Variants in ARAP3 observed in about 807,000 individuals in gnomAD.
ARAP3 encodes arf-GAP with Rho-GAP domain, ANK repeat and PH domain-containing protein 3.
A neutral mutation model predicts 169.2 loss-of-function variants in ARAP3; 82 were observed. The observed-to-expected ratio is 0.48, with a 90% CI of 0.41 to 0.58. The LOEUF (loss-of-function observed/expected upper bound fraction) is 0.58, where lower values mean the gene tolerates loss of function less well. ARAP3 is among the 20% of genes least tolerant of loss of function. The probability of loss-of-function intolerance (pLI) is 0.00; values close to 1 mark genes in which losing one functional copy is unlikely to be tolerated. For missense variants in ARAP3, 1,764 were observed against 2,018.0 expected, an observed-to-expected ratio of 0.87 and a Z score of 2.41; for synonymous variants, 791 against 800.3, an observed-to-expected ratio of 0.99 and a Z score of 0.20.
Position 141,670,012 on chromosome 5 carries a change from G to A in ARAP3, c.2159C>T (p.Ser720Leu), listed in dbSNP as rs751792367. The A allele has an allele frequency of 1.4e-5, 22 of 1,597,550 alleles. No homozygotes were observed. The highest frequency in any genetic ancestry group is 2.3e-5 in the South Asian group (2 of 88,602). Reference sequence around the variant, plus strand: ...GCTGAGGGGTTCAGGGCTGTTTTCCGATGCAAACATTTCCAGAGCTGCTCC... The same window carrying A: ...GCTGAGGGGTTCAGGGCTGTTTTCCAATGCAAACATTTCCAGAGCTGCTCC... ...VLGAALEMFA[S>L]ENSPEPLSLI... is the part of the protein sequence containing the mutation. The change falls in exon 15 of 33, where the codon TCG becomes TTG. Residue 720 changes from serine (S) to leucine (L), a missense_variant. Coordinates refer to ENST00000239440, the MANE Select transcript of ARAP3 (RefSeq NM_022481.6).
rs141538563 is a variant in ARAP3, at chr5:141,661,684, C to T, written c.3119G>A (p.Arg1040Gln). Reference sequence around the variant, plus strand: ...CTGCAGAGGGTCTAGCCATACTGACCGATAGAGATGCCCAATGAGGGTGGC... The same window carrying T: ...CTGCAGAGGGTCTAGCCATACTGACTGATAGAGATGCCCAATGAGGGTGGC... ...TLATLIGHLY[R>Q]VQKCAALNQM... Residue 1040 changes from arginine to glutamine, a missense_variant and splice_region_variant, in exon 21 of 33, where the codon CGG becomes CAG. Physicochemically the swap from Arg to Gln is conservative, Grantham distance 43. Coordinates refer to ENST00000239440, the MANE Select transcript of ARAP3 (RefSeq NM_022481.6). 7 of 1,614,094 alleles carry T rather than the reference C, an allele frequency of 4.3e-6. No homozygotes were observed. The highest frequency in any genetic ancestry group is 4.0e-5 in the African/African-American group (3 of 75,056).
Position 141,654,434 on chromosome 5 carries a change from G to T in ARAP3, c.4151C>A (p.Pro1384Gln), listed in dbSNP as rs756683043. ...HNRRTLSMFF[P>Q]MKSSQGSVEE... The stretch of plus-strand genomic sequence containing the variant: ...CACAGACCCCTGGGATGACTTCATT[G>T]GCTGGATGGGAATGGAATGGCAGGA... The change falls in exon 33 of 33, where the codon CCA becomes CAA. Residue 1384 changes from proline (P) to glutamine (Q), a missense_variant and splice_region_variant. By Grantham distance (76) the Pro-to-Gln change is moderately conservative. Around this residue, in one of 3 missense-constraint regions of ARAP3, gnomAD observed 1,112 missense variants for 1,285.7 expected, o/e 0.86. Transcript: ENST00000239440. 6.4e-6 allele frequency: 10 copies of T among 1,568,158 alleles called. No individual in the cohort carries two copies. In the Admixed American group the frequency reaches 9.1e-5, roughly 14 times the overall value.
rs774950906 is a variant in ARAP3, at chr5:141,662,167, C to T, written c.2889G>A (p.Ser963=). ...LLAEFRRDAR[S]VKLRPGEHFV... ...AGTGCTCCCCTGGTCGGAGCTTCAC[C>T]GACCGGGCATCCCGACGGAACTCAG... The change falls in exon 20 of 33, where the codon TCG becomes TCA. Residue 963 remains serine (S), a synonymous_variant. Transcript: ENST00000239440. The T allele has an allele frequency of 1.2e-5, 20 of 1,614,198 alleles. No individual in the cohort carries two copies. The highest frequency in any genetic ancestry group is 4.4e-5 in the South Asian group (4 of 91,080).
In ARAP3 at chr5:141,658,660, G is replaced by A; in HGVS notation, c.3337-7C>T. On this transcript the variant is annotated splice_region_variant and splice_polypyrimidine_tract_variant and intron_variant, in intron 23 of 32. Coordinates refer to ENST00000239440, the MANE Select transcript of ARAP3 (RefSeq NM_022481.6). Reference sequence around the variant, plus strand: ...GGTCTCCAGCCTGAGACAGCTGAGGGGAGGGGTAAAAAAGTCAGAAGGGCA... The same window carrying A: ...GGTCTCCAGCCTGAGACAGCTGAGGAGAGGGGTAAAAAAGTCAGAAGGGCA... 6.3e-7 allele frequency: 1 copy of A among 1,577,378 alleles called. No individual in the cohort carries two copies. The highest frequency in any genetic ancestry group is 8.6e-7 in the Non-Finnish European group (1 of 1,167,838).
At position 141,661,934 on chromosome 5, in the gene ARAP3, A is replaced by AT. The variant is rs767776377; in HGVS notation, c.3013+108dup. On this transcript the variant is annotated intron_variant, in intron 20 of 32. Transcript: ENST00000239440. ...TCCCCCTGAGCCAAGTCTCTGGATG[A>AT]TCCCCCAGGGTGGGAAGTGATGGGG... 1.6e-4 allele frequency: 244 copies of AT among 1,517,158 alleles called. 1 individual carries two copies. Among genetic ancestry groups the AT allele is most frequent in the Non-Finnish European group, 2.1e-4 (232 of 1,100,430 alleles). 94.0% of individuals were successfully genotyped at this position (1,517,158 alleles called of 1,614,324 possible).
In ARAP3 at chr5:141,658,380, C is replaced by A; in HGVS notation, c.3511G>T (p.Glu1171Ter). ...MDLWVTFEIR[E>*]HGELERPLHP... ...TCATACTCACCCAGCTCCCCATGCT[C>A]GCGAATCTCAAAAGTCACCCACAAG... is the stretch of plus-strand genomic sequence containing the variant. The change falls in exon 25 of 33, where the codon GAG (glutamate) becomes TAG (stop). Residue 1171 changes from glutamate (E) to a stop codon, truncating the protein, a stop_gained. Transcript: ENST00000239440. LOFTEE classifies it high-confidence loss of function. The A allele has an allele frequency of 1.2e-6, 2 of 1,613,346 alleles. No individual in the cohort carries two copies. The highest frequency in any genetic ancestry group is 1.7e-6 in the Non-Finnish European group (2 of 1,180,012).
intron 19 of ARAP3, 50 bp downstream of exon 19, chr5:141,664,872 A>ACCC: frequency 3.5e-5 from 7 of 202,000 alleles, no homozygotes; most frequent in South Asian, 1.2e-4. Context: ...CCCCCTCATC[A>ACCC]CCCCCACCCC....
Position 141,672,052 on chromosome 5 carries a change from T to G in ARAP3, c.1585+50A>C. The stretch of plus-strand genomic sequence containing the variant: ...CATGTGGCACGGGTACCCTGAGCCC[T>G]CTAGTCCCAGCCCTCCTGTTCCCCA... On this transcript the variant is annotated intron_variant, in intron 10 of 32. Coordinates refer to ENST00000239440, the MANE Select transcript of ARAP3 (RefSeq NM_022481.6). The surrounding 1 kb of genome is among the most constrained non-coding windows in gnomAD (Gnocchi z 4.9). 1 of 1,613,952 alleles carries G rather than the reference T, an allele frequency of 6.2e-7. No individual in the cohort carries two copies. The highest frequency in any genetic ancestry group is 8.5e-7 in the Non-Finnish European group (1 of 1,179,892).
chr5:141,654,180 G>C lies in ARAP3; in HGVS notation c.4405C>G (p.Pro1469Ala). Reference protein sequence around the residue: ...EERPPEPPPGPPSKSSPQARG... With the variant: ...EERPPEPPPGAPSKSSPQARG... The stretch of plus-strand genomic sequence containing the variant: ...GCCTGGGGACTGCTCTTTGAAGGGG[G>C]GCCTGGAGGGGGCTCAGGTGGCCTC... Residue 1469 changes from proline (P) to alanine (A), a missense_variant, in exon 33 of 33, where the codon CCC becomes GCC. This residue lies in a region of ARAP3 where 1,112 missense variants were observed against 1,285.7 expected (regional missense o/e 0.86). Transcript: ENST00000239440. The C allele has an allele frequency of 6.2e-7, 1 of 1,613,934 alleles. No individual in the cohort carries two copies. The highest frequency in any genetic ancestry group is 8.5e-7 in the Non-Finnish European group (1 of 1,179,898).
At chr5:141,661,006 T>C (rs2099909887) in intron 21 of ARAP3, among the ~76,000 whole-genome samples, 1 of 152,168 alleles carries the variant, frequency 6.6e-6, no homozygotes, top group African/African-American at 2.4e-5. Context: ...GCATGTACTA[T>C]AGTTAAGAAT....
rs1462203719 is a variant in ARAP3 at position 141,673,685 on chromosome 5, T to A, written c.822A>T (p.Ser274=). Residue 274 remains serine (S), a synonymous_variant, in exon 5 of 33, where the codon TCA becomes TCT. Transcript: ENST00000239440. ...ETEETSDDLI[S]PYASFSFTAD... ...CCGTGAAGGAGAAGCTGGCATAGGG[T>A]GAAATGAGGTCATCACTGGTCTCCT... 1 of 1,613,874 alleles carries A rather than the reference T, an allele frequency of 6.2e-7. No homozygotes were observed.
chr5:141,674,703 C>T (rs891328180), intron 4 of ARAP3, among the ~76,000 whole-genome samples: 6 of 152,152 alleles, frequency 3.9e-5, no homozygotes, highest in Non-Finnish European at 5.9e-5. Context: ...ATGGAAAAGA[C>T]GGGGAAGGGC....
Position 141,672,459 on chromosome 5 carries a change from C to A in ARAP3, c.1385+93G>T. ...CTGGACTACCATCTGTGCATACCCTCTGACGTCCTACTAAAGAGGCCTCTA... is the reference window on the plus strand; with the variant it reads ...CTGGACTACCATCTGTGCATACCCTATGACGTCCTACTAAAGAGGCCTCTA... On this transcript the variant is annotated intron_variant, in intron 9 of 32. Coordinates refer to ENST00000239440, the MANE Select transcript of ARAP3 (RefSeq NM_022481.6). The surrounding 1 kb of genome is among the most constrained non-coding windows in gnomAD (Gnocchi z 4.9). 1 of 1,503,048 alleles carries A rather than the reference C, an allele frequency of 6.7e-7. No homozygotes were observed. The highest frequency in any genetic ancestry group is 9.1e-7 in the Non-Finnish European group (1 of 1,103,324). 93.1% of individuals were successfully genotyped at this position (1,503,048 alleles called of 1,614,324 possible).
rs775914450 is a variant in ARAP3, at chr5:141,672,533, C to T, written c.1385+19G>A. 1.2e-6 allele frequency: 2 copies of T among 1,613,362 alleles called. No individual in the cohort carries two copies. Among genetic ancestry groups the T allele is most frequent in the Non-Finnish European group, 1.7e-6 (2 of 1,179,606 alleles). ...CGCAAAAGTCCCCCAGCCTTGCCTC[C>T]CACTGGCCCAGGCCCCACCTGAAGC... On this transcript the variant is annotated intron_variant, in intron 9 of 32. Coordinates refer to ENST00000239440, the MANE Select transcript of ARAP3 (RefSeq NM_022481.6). This position sits in a 1 kb window ranked among gnomAD's most constrained non-coding sequence, Gnocchi z 4.9.
rs1283171196 is a variant in ARAP3, at chr5:141,661,795, G to T, written c.3014-6C>A. ...CTGATTCTTCTGGGGCAGCTCTGGG[G>T]ATGGAATGGAGGAGGGTTGGGGAGG... On this transcript the variant is annotated splice_polypyrimidine_tract_variant and splice_region_variant and intron_variant, in intron 20 of 32. Coordinates refer to ENST00000239440, the MANE Select transcript of ARAP3 (RefSeq NM_022481.6). 1 of 1,614,024 alleles carries T rather than the reference G, an allele frequency of 6.2e-7. No individual in the cohort carries two copies. Among genetic ancestry groups the T allele is most frequent in the African/African-American group, 1.3e-5 (1 of 74,946 alleles).
At chr5:141,670,457 T>C in intron 14 of ARAP3, 55 bp downstream of exon 14, 1 of 1,548,662 alleles carries the variant, frequency 6.5e-7, no homozygotes, top group Non-Finnish European at 8.9e-7. Context: ...TGCAGTACCC[T>C]CACACCCATC....
At chr5:141,658,266 C>T in intron 25 of ARAP3, 99 bp downstream of exon 25, 1 of 1,177,120 alleles carries the variant, frequency 8.5e-7, no homozygotes, top group South Asian at 1.4e-5. Context: ...CATGAGTTAC[C>T]ATTCATATTT....
At position 141,674,426 on chromosome 5, in the gene ARAP3, T is replaced by C. The variant is rs550996885; in HGVS notation, c.699-618A>G. On this transcript the variant is annotated intron_variant, in intron 4 of 32. Transcript: ENST00000239440. The stretch of plus-strand genomic sequence containing the variant: ...TGGCCACCACACCTGGCTAATTTTT[T>C]ATTTTATTTTTAGTAGAGATGAGGT... Among the ~76,000 whole-genome samples, 3 of 152,218 alleles carry C rather than the reference T, an allele frequency of 2.0e-5. No homozygotes were observed. In the South Asian group the frequency reaches 6.2e-4, roughly 32 times the overall value.
At chr5:141,661,067 C>CTTT (rs562593165) in intron 21 of ARAP3, among the ~76,000 whole-genome samples, 5 of 132,764 alleles carry the variant, frequency 3.8e-5, no homozygotes, top group Admixed American at 1.5e-4. Context: ...TTTCTTTTTT[C>CTTT]TTTTTTTTTT....
Sources: allele counts gnomAD v4.1 joint callset (sites outside exome capture counted in the v4.1 genomes callset), GRCh38; gene constraint gnomAD v4.1.1; regional missense constraint gnomAD v4.1.1; non-coding constraint Gnocchi (gnomAD v3.1); transcripts MANE v1.5; gene names NCBI Gene and HGNC (gene_info 2026-07-23, HGNC 2026-07-21).